The following RSPO2 variants were observed in gnomAD, a reference collection of about 807,000 sequenced individuals.
RSPO2 encodes R-spondin-2.
In RSPO2, 14 loss-of-function variants were observed where a neutral mutation model predicts 30.9. The observed-to-expected ratio is 0.45, with a 90% CI of 0.30 to 0.71. The LOEUF (loss-of-function observed/expected upper bound fraction) is 0.71, where lower values mean the gene tolerates loss of function less well. Among genes scored for constraint, RSPO2 ranks in the 30% least tolerant of loss-of-function variants. RSPO2 has a pLI of 0.08. For missense variants in RSPO2, 264 were observed against 301.9 expected, an observed-to-expected ratio of 0.87 and a Z score of 0.93; for synonymous variants, 107 against 96.4, an observed-to-expected ratio of 1.11 and a Z score of -0.64.
intron 2 of RSPO2, among the ~76,000 whole-genome samples, chr8:108,060,927 C>G (rs1008184954): frequency 6.6e-5 from 10 of 151,702 alleles, no homozygotes; most frequent in Admixed American, 2.0e-4. Flanking sequence ...TCATATCCAG[C>G]CAAACTAAGC....
intron 2 of RSPO2, among the ~76,000 whole-genome samples, chr8:108,036,696 G>A (rs986087290): frequency 6.6e-6 from 1 of 152,214 alleles, no homozygotes; most frequent in Admixed American, 6.5e-5. Flanking sequence ...TGAGGTGGGA[G>A]GAAGGTTGTT....
At chr8:108,029,225 G>T (rs181773148) in intron 2 of RSPO2, among the ~76,000 whole-genome samples, 1 of 151,156 alleles carries the variant, frequency 6.6e-6, no homozygotes, top group East Asian at 1.9e-4. Flanking sequence ...CATATTGTTT[G>T]TGTCTGCTTT....
At chr8:108,007,110 T>TC (rs1406122869) in intron 2 of RSPO2, among the ~76,000 whole-genome samples, 2 of 152,184 alleles carry the variant, frequency 1.3e-5, no homozygotes, top group African/African-American at 4.8e-5. Context: ...ATTGCTTTTT[T>TC]CCCACCTATC....
At chr8:108,053,919 A>C (rs1436600844) in intron 2 of RSPO2, among the ~76,000 whole-genome samples, 1 of 152,168 alleles carries the variant, frequency 6.6e-6, no homozygotes, top group Non-Finnish European at 1.5e-5. Flanking sequence ...GAAAATTTAA[A>C]ATAAGCTAAC....
At chr8:107,914,105 G>T (rs571444922) in intron 5 of RSPO2, among the ~76,000 whole-genome samples, 23 of 152,196 alleles carry the variant, frequency 1.5e-4, no homozygotes, top group African/African-American at 5.5e-4. Flanking sequence ...TTTAGTAAAA[G>T]ACATTACCTG....
At chr8:107,978,740 G>A (rs1280095821) in intron 3 of RSPO2, among the ~76,000 whole-genome samples, 1 of 152,094 alleles carries the variant, frequency 6.6e-6, no homozygotes, top group Non-Finnish European at 1.5e-5. Flanking sequence ...AGAGTGAACA[G>A]GCAACCTAAA....
At chr8:108,034,084 C>T (rs1233593208) in intron 2 of RSPO2, among the ~76,000 whole-genome samples, 2 of 152,060 alleles carry the variant, frequency 1.3e-5, no homozygotes, top group Admixed American at 6.5e-5. Flanking sequence ...AAAAGTGCAT[C>T]GGATCGCTCA....
chr8:107,940,263 A>C (rs1812856528), intron 5 of RSPO2, among the ~76,000 whole-genome samples: 1 of 151,892 alleles, frequency 6.6e-6, no homozygotes. Context: ...AAGGAACTCA[A>C]AATGTAAAAC....
chr8:108,054,228 C>G (rs1454040036), intron 2 of RSPO2, among the ~76,000 whole-genome samples: 3 of 152,106 alleles, frequency 2.0e-5, no homozygotes, highest in Admixed American at 6.5e-5. Context: ...AGGGACAAAC[C>G]TCAATGTCTC....
At chr8:108,004,188 G>A (rs139665586) in intron 2 of RSPO2, among the ~76,000 whole-genome samples, 299 of 152,306 alleles carry the variant, frequency 2.0e-3, no homozygotes, top group Middle Eastern at 6.8e-3. Context: ...GGGAAACTGA[G>A]TTACAAGTTT....
chr8:108,003,128 C>T (rs1586618179), intron 2 of RSPO2, among the ~76,000 whole-genome samples: 1 of 148,424 alleles, frequency 6.7e-6, no homozygotes, highest in East Asian at 2.0e-4. Context: ...CTCGGCTCAC[C>T]ACAACCTCTG....
intron 5 of RSPO2, among the ~76,000 whole-genome samples, chr8:107,902,279 T>C (rs1342283530): frequency 6.6e-6 from 1 of 152,162 alleles, no homozygotes; most frequent in East Asian, 1.9e-4. Flanking sequence ...GTTCTTCCTC[T>C]CTTACTTTCC....
intron 2 of RSPO2, among the ~76,000 whole-genome samples, chr8:108,074,181 A>C (rs1812938059): frequency 6.6e-6 from 1 of 152,214 alleles, no homozygotes; most frequent in Non-Finnish European, 1.5e-5. Flanking sequence ...CTATTTTATA[A>C]GTGCTCTTAG....
chr8:107,915,899 T>A (rs779082036), intron 5 of RSPO2, among the ~76,000 whole-genome samples: 28 of 152,142 alleles, frequency 1.8e-4, no homozygotes, highest in Non-Finnish European at 3.5e-4. Flanking sequence ...GGTGGGTTTG[T>A]CTTTGGGGAT....
intron 3 of RSPO2, among the ~76,000 whole-genome samples, chr8:107,965,420 C>T (rs1194782700): frequency 2.0e-5 from 3 of 152,128 alleles, no homozygotes. Context: ...TTTTTCAAAT[C>T]ACACTGTAGT....
At chr8:107,905,833 T>G (rs1462598018) in intron 5 of RSPO2, among the ~76,000 whole-genome samples, 25 of 152,074 alleles carry the variant, frequency 1.6e-4, no homozygotes, top group African/African-American at 6.0e-4. Context: ...GCAAGAGGTA[T>G]TTATTTAAGA....
intron 2 of RSPO2, among the ~76,000 whole-genome samples, chr8:108,057,551 TATGC>T: frequency 6.6e-6 from 1 of 152,292 alleles, no homozygotes; most frequent in Admixed American, 6.5e-5. Flanking sequence ...ATGTCTCAAC[TATGC>T]AGGGGGTTAT....
chr8:108,018,362 G>A (rs1810957291), intron 2 of RSPO2, among the ~76,000 whole-genome samples: 1 of 152,156 alleles, frequency 6.6e-6, no homozygotes, highest in African/African-American at 2.4e-5. Context: ...TTCTCACACT[G>A]TAGTATATTA....
chr8:108,021,300 A>G (rs1340800077), intron 2 of RSPO2, among the ~76,000 whole-genome samples: 2 of 152,222 alleles, frequency 1.3e-5, no homozygotes, highest in Non-Finnish European at 2.9e-5. Context: ...ATATGTAAAT[A>G]AATGAACTTT....
Sources: allele counts gnomAD v4.1 joint callset (sites outside exome capture counted in the v4.1 genomes callset), GRCh38; gene constraint gnomAD v4.1.1; transcripts MANE v1.5; gene names NCBI Gene and HGNC (gene_info 2026-07-23, HGNC 2026-07-21).